The following GATA3 variants were observed in gnomAD, a reference collection of about 807,000 sequenced individuals.
The protein encoded by GATA3 is trans-acting T-cell-specific transcription factor GATA-3.
Under a neutral mutation model 36.0 loss-of-function variants are expected in GATA3, and 6 were observed. The observed-to-expected ratio is 0.17, with a 90% confidence interval of 0.09 to 0.33. The LOEUF is 0.33. Among genes scored for constraint, GATA3 ranks in the 10% least tolerant of loss-of-function variants. The probability of loss-of-function intolerance (pLI) is 1.00; values close to 1 mark genes in which losing one functional copy is unlikely to be tolerated. For synonymous variants in GATA3, 326 were observed against 273.0 expected, an observed-to-expected ratio of 1.19 and a Z score of -1.92; for missense variants, 514 against 610.1, an observed-to-expected ratio of 0.84 and a Z score of 1.66.
At position 8,073,964 on chromosome 10, in the gene GATA3, C is replaced by T. The variant is rs1342844809; in HGVS notation, c.1276C>T (p.Pro426Ser). The T allele has an allele frequency of 8.7e-6, 14 of 1,614,040 alleles. No homozygotes were observed. The highest frequency in any genetic ancestry group is 1.2e-5 in the Non-Finnish European group (14 of 1,180,030). The change falls in exon 6 of 6, where the codon CCA (proline) becomes TCA (serine). Residue 426 changes from proline to serine, a missense_variant. By Grantham distance (74) the Pro-to-Ser change is moderately conservative (BLOSUM62 -1). Around this residue, in one of 3 missense-constraint regions of GATA3, gnomAD observed 89 missense variants for 104.2 expected, o/e 0.85. Coordinates refer to ENST00000379328, the MANE Select transcript of GATA3 (RefSeq NM_001002295.2). ...GACCACGCCCACGCCGATGCACCCG[C>T]CATCCAGCCTGTCCTTTGGACCACA... ...MLTTPTPMHP[P>S]SSLSFGPHHP... is the part of the protein sequence containing the mutation.
chr10:8,067,440 A>T (rs1458879623), intron 4 of GATA3, among the ~76,000 whole-genome samples: 1 of 152,226 alleles, frequency 6.6e-6, no homozygotes, highest in Non-Finnish European at 1.5e-5. Context: ...AGGTTAATTC[A>T]AAATTGTCAC....
intron 4 of GATA3, among the ~76,000 whole-genome samples, chr10:8,064,435 G>A (rs569287972): frequency 6.6e-6 from 1 of 150,634 alleles, no homozygotes; most frequent in South Asian, 2.1e-4. Flanking sequence ...TATCAAATCT[G>A]CAGTGTATTC....
chr10:8,055,042 G>A lies in GATA3; in HGVS notation c.-370+151G>A, dbSNP rs554279678. ...GGTCCCGGGACCGGTGTCCCCGAGGGAGGGACTTGCCCTCCAAGTCGTAAC... is the reference window on the plus strand; with the variant it reads ...GGTCCCGGGACCGGTGTCCCCGAGGAAGGGACTTGCCCTCCAAGTCGTAAC... On this transcript the variant is annotated intron_variant, in intron 1 of 5. Transcript: ENST00000379328. This position sits in a 1 kb window ranked among gnomAD's most constrained non-coding sequence, Gnocchi z 5.4. 1.0e-3 allele frequency among the ~76,000 whole-genome samples: 155 copies of A among 152,118 alleles called. No homozygotes were observed. Among genetic ancestry groups the A allele is most frequent in the Non-Finnish European group, 2.1e-3 (142 of 67,942 alleles).
intron 3 of GATA3, among the ~76,000 whole-genome samples, chr10:8,060,038 C>T (rs1172570125): frequency 6.6e-6 from 1 of 152,230 alleles, no homozygotes; most frequent in South Asian, 2.1e-4. Flanking sequence ...CCCAAAGCTC[C>T]GGTTTGAAAA....
chr10:8,052,755 A>G (rs1832529468), upstream of GATA3: 1 of 152,200 alleles, frequency 6.6e-6, no homozygotes. Context: ...TAAAAGGTTT[A>G]GAGAGCGCTG....
intron 1 of GATA3, among the ~76,000 whole-genome samples, chr10:8,047,462 G>GTA (rs1029668617): frequency 2.0e-5 from 3 of 152,226 alleles, no homozygotes; most frequent in African/African-American, 7.2e-5. Context: ...TCTTCTCCTG[G>GTA]TATATCTTTG....
In GATA3 at chr10:8,073,936, G is replaced by A. The variant is rs2131522271; in HGVS notation, c.1248G>A (p.Met416Ile). ...HISPFSHSSH[M>I]LTTPTPMHPP... is the part of the protein sequence containing the mutation. Reference sequence around the variant, plus strand: ...CGCCCTTCAGCCACTCCAGCCACATGCTGACCACGCCCACGCCGATGCACC... The same window carrying A: ...CGCCCTTCAGCCACTCCAGCCACATACTGACCACGCCCACGCCGATGCACC... Residue 416 changes from methionine to isoleucine, a missense_variant, in exon 6 of 6, where the codon ATG (methionine) becomes ATA (isoleucine). Around this residue, in one of 3 missense-constraint regions of GATA3, gnomAD observed 89 missense variants for 104.2 expected, o/e 0.85. Coordinates refer to ENST00000379328, the MANE Select transcript of GATA3 (RefSeq NM_001002295.2). 1 of 1,614,044 alleles carries A rather than the reference G, an allele frequency of 6.2e-7. No individual in the cohort carries two copies. The highest frequency in any genetic ancestry group is 8.5e-7 in the Non-Finnish European group (1 of 1,180,030).
intron 3 of GATA3, among the ~76,000 whole-genome samples, chr10:8,059,744 G>C (rs1005191180): frequency 6.6e-6 from 1 of 152,104 alleles, no homozygotes; most frequent in Non-Finnish European, 1.5e-5. Flanking sequence ...AAAATACTTT[G>C]GCTTTAAAAA....
At position 8,059,441 on chromosome 10, in the gene GATA3, G is replaced by A. The variant is rs1489707932; in HGVS notation, c.778+600G>A. On this transcript the variant is annotated intron_variant, in intron 3 of 5. Transcript: ENST00000379328. ...CTCTCAGCTGAACTGGGAGAAAGCG[G>A]TGGCTTTGCATTGGGGAAGCAGAGT... Among the ~76,000 whole-genome samples the A allele has an allele frequency of 2.0e-5, 3 of 152,226 alleles. No homozygotes were observed. In the East Asian group the frequency reaches 5.8e-4, roughly 29 times the overall value.
chr10:8,047,344 A>C (rs763998654), intron 1 of GATA3, among the ~76,000 whole-genome samples: 1 of 152,232 alleles, frequency 6.6e-6, no homozygotes, highest in Non-Finnish European at 1.5e-5. Flanking sequence ...GGCAGATCCC[A>C]AAACCACCTC....
At chr10:8,052,484 CGG>C (rs1832521822), upstream of GATA3, 1 of 152,222 alleles carries the variant, frequency 6.6e-6, no homozygotes. Flanking sequence ...GTTTCTGACG[CGG>C]GGACTTCTCT....
At chr10:8,065,099 C>T (rs1241900133) in intron 4 of GATA3, among the ~76,000 whole-genome samples, 1 of 152,140 alleles carries the variant, frequency 6.6e-6, no homozygotes, top group African/African-American at 2.4e-5. Flanking sequence ...GGAATTTCCC[C>T]ACGCAGATTA....
intron 4 of GATA3, among the ~76,000 whole-genome samples, chr10:8,067,782 CA>C (rs1832870149): frequency 6.6e-6 from 1 of 152,220 alleles, no homozygotes; most frequent in Non-Finnish European, 1.5e-5. Context: ...CGCGCCACTG[CA>C]CTCCAGCCTG....
In GATA3 at chr10:8,061,178, C is replaced by A. The variant is rs435636; in HGVS notation, c.778+2337C>A. 8.7e-3 allele frequency among the ~76,000 whole-genome samples: 1,325 copies of A among 152,050 alleles called. 21 individuals are homozygous for A. The highest frequency in any genetic ancestry group is 0.03 in the African/African-American group (1,247 of 41,434). ...GAGTTTTTGGGGTTGTCGCTGGAAA[C>A]GGTTGAAGTCGTGGTTAGGGCACCT... On this transcript the variant is annotated intron_variant, in intron 3 of 5. Transcript: ENST00000379328.
At chr10:8,057,255 C>T (rs914782096) in intron 2 of GATA3, among the ~76,000 whole-genome samples, 2 of 152,152 alleles carry the variant, frequency 1.3e-5, no homozygotes, top group African/African-American at 4.8e-5. Flanking sequence ...ATGGTTGAAT[C>T]GAATGTCAAA....
At chr10:8,067,052 T>G (rs1832854402) in intron 4 of GATA3, among the ~76,000 whole-genome samples, 1 of 151,758 alleles carries the variant, frequency 6.6e-6, no homozygotes, top group Admixed American at 6.6e-5. Flanking sequence ...AAAAAAACAC[T>G]ATAGGAAGAT....
At chr10:8,062,469 T>C (rs1359075724) in intron 3 of GATA3, among the ~76,000 whole-genome samples, 2 of 152,006 alleles carry the variant, frequency 1.3e-5, no homozygotes, top group African/African-American at 2.4e-5. Flanking sequence ...TTAACTTTCC[T>C]GAAGAACTTA....
upstream of GATA3, chr10:8,053,334 C>A (rs1374806788): frequency 1.3e-5 from 2 of 152,244 alleles, no homozygotes; most frequent in African/African-American, 4.8e-5. This position sits in a 1 kb window ranked among gnomAD's most constrained non-coding sequence, Gnocchi z 5.1. Context: ...GCGGGGGAAC[C>A]CACTCCCTCT....
upstream of GATA3, chr10:8,051,156 G>C: frequency 2.0e-6 from 1 of 495,120 alleles, no homozygotes. Context: ...CTGGGAGGGC[G>C]GGTGGGAGGG....
Sources: allele counts gnomAD v4.1 joint callset (sites outside exome capture counted in the v4.1 genomes callset), GRCh38; gene constraint gnomAD v4.1.1; regional missense constraint gnomAD v4.1.1; non-coding constraint Gnocchi (gnomAD v3.1); transcripts MANE v1.5; gene names NCBI Gene and HGNC (gene_info 2026-07-23, HGNC 2026-07-21).